Variants in ADAMTS3 observed in about 807,000 individuals in gnomAD.
ADAMTS3 encodes the protein ADAM metallopeptidase with thrombospondin type 1 motif 3, also known as A disintegrin and metalloproteinase with thrombospondin motifs 3.
In ADAMTS3, 73 loss-of-function variants were observed where a neutral mutation model predicts 129.0. The ratio of observed to expected loss-of-function variants is 0.57; its 90% CI spans 0.47 to 0.69. The LOEUF (loss-of-function observed/expected upper bound fraction) is 0.69, where lower values mean the gene tolerates loss of function less well. Among genes scored for constraint, ADAMTS3 ranks in the 30% least tolerant of loss-of-function variants. The pLI, the probability that ADAMTS3 is intolerant of heterozygous loss-of-function variation, is 0.00. For synonymous variants in ADAMTS3, 477 were observed against 510.8 expected (o/e 0.93, Z 0.89); for missense variants, 1,457 against 1,514.5 (o/e 0.96, Z 0.63).
At chr4:72,383,015 TG>T (rs1489297748) in intron 4 of ADAMTS3, among the ~76,000 whole-genome samples, 3 of 152,040 alleles carry the variant, frequency 2.0e-5, no homozygotes, top group Non-Finnish European at 4.4e-5. Context: ...ATGCACCCCC[TG>T]AATTTATAAT....
At chr4:72,286,000 G>A (rs979783119) in intron 21 of ADAMTS3, among the ~76,000 whole-genome samples, 78 of 152,240 alleles carry the variant, frequency 5.1e-4, no homozygotes, top group African/African-American at 1.6e-3. Flanking sequence ...AAATATGGTA[G>A]AAACATGTGA....
chr4:72,531,505 TGA>T (rs1721039865), intron 3 of ADAMTS3, among the ~76,000 whole-genome samples: 2 of 152,090 alleles, frequency 1.3e-5, no homozygotes, highest in South Asian at 4.1e-4. Flanking sequence ...GTCTCTAGGT[TGA>T]GAGTAGACAT....
chr4:72,546,733 T>C (rs1203544763), intron 3 of ADAMTS3, among the ~76,000 whole-genome samples: 1 of 152,176 alleles, frequency 6.6e-6, no homozygotes, highest in Non-Finnish European at 1.5e-5. Context: ...CAAAATATGA[T>C]TGTGAGCTGC....
chr4:72,295,783 A>C lies in ADAMTS3; in HGVS notation c.2594T>G (p.Phe865Cys). Residue 865 changes from phenylalanine to cysteine, a missense_variant, in exon 19 of 22, where the codon TTC becomes TGC. Coordinates refer to ENST00000286657, the MANE Select transcript of ADAMTS3 (RefSeq NM_014243.3). Reference protein sequence around the residue: ...SQCSKPCGGGFQYTKYGCRRK... With the variant: ...SQCSKPCGGGCQYTKYGCRRK... ...ACGGCATCCATATTTAGTGTACTGG[A>C]AACCTGGAAAAGGAAATAAAGTTCT... 1 of 1,610,012 alleles carries C rather than the reference A, an allele frequency of 6.2e-7. No homozygotes were observed.
chr4:72,450,969 A>AAGAAGAGAAGAGAAG (rs67162859), intron 3 of ADAMTS3, among the ~76,000 whole-genome samples: 15,348 of 139,952 alleles, frequency 0.11, 993 homozygotes, highest in Non-Finnish European at 0.13. Flanking sequence ...GGCAGGCAAA[A>AAGAAGAGAAGAGAAG]AGAAGAGAAG....
chr4:72,296,247 G>C (rs1038971906), intron 18 of ADAMTS3, among the ~76,000 whole-genome samples: 3 of 151,990 alleles, frequency 2.0e-5, no homozygotes, highest in African/African-American at 7.2e-5. Flanking sequence ...TGGGGTAATG[G>C]AAATGAAGCA....
chr4:72,389,624 G>A (rs1038320703), intron 4 of ADAMTS3, among the ~76,000 whole-genome samples: 5 of 152,152 alleles, frequency 3.3e-5, no homozygotes, highest in East Asian at 1.9e-4. Flanking sequence ...AAACAGCTGC[G>A]AAGCAACTCA....
At position 72,568,756 on chromosome 4, in the gene ADAMTS3, G is replaced by A. The variant is rs1722087304; in HGVS notation, c.7C>T (p.Leu3Phe). The change falls in exon 1 of 22, where the codon CTC (leucine) becomes TTC (phenylalanine). Residue 3 changes from leucine (L) to phenylalanine (F), a missense_variant. Leu to Phe is a conservative substitution (Grantham distance 22). Transcript: ENST00000286657. Reference protein sequence around the residue: MVLLSLWLIAAAL... With the variant: MVFLSLWLIAAAL... ...GCTGCTATCAACCAAAGTGACAGGA[G>A]AACCATCACGAGTCGAGTTCACTTT... is the stretch of plus-strand genomic sequence containing the variant. 2 of 1,612,886 alleles carry A rather than the reference G, an allele frequency of 1.2e-6. No homozygotes were observed. The highest frequency in any genetic ancestry group is 2.2e-5 in the East Asian group (1 of 44,766).
rs1002673628 is a variant in ADAMTS3 at position 72,426,285 on chromosome 4, G to T, written c.505-11314C>A. ...AAAATTTTCTCCTATGCTGTAAGTTGCCTGTTCACTCTGATGGTAGTTTCT... is the reference window on the plus strand; with the variant it reads ...AAAATTTTCTCCTATGCTGTAAGTTTCCTGTTCACTCTGATGGTAGTTTCT... On this transcript the variant is annotated intron_variant, in intron 3 of 21. Coordinates refer to ENST00000286657, the MANE Select transcript of ADAMTS3 (RefSeq NM_014243.3). Among the ~76,000 whole-genome samples the T allele has an allele frequency of 4.6e-5, 7 of 152,266 alleles. No homozygotes were observed. The East Asian group carries it at 1.4e-3, about 29-fold the overall frequency.
chr4:72,449,778 C>A (rs939601179), intron 3 of ADAMTS3, among the ~76,000 whole-genome samples: 3 of 151,652 alleles, frequency 2.0e-5, no homozygotes, highest in African/African-American at 7.3e-5. Flanking sequence ...TTTTAATGCC[C>A]ACTCCATTGC....
chr4:72,552,515 C>T (rs1332376804), intron 2 of ADAMTS3, among the ~76,000 whole-genome samples: 2 of 152,128 alleles, frequency 1.3e-5, no homozygotes, highest in South Asian at 2.1e-4. Flanking sequence ...GGCACAATTT[C>T]GAATGTGCTT....
intron 3 of ADAMTS3, among the ~76,000 whole-genome samples, chr4:72,418,125 A>G (rs1285017308): frequency 2.0e-5 from 3 of 151,866 alleles, no homozygotes; most frequent in African/African-American, 7.3e-5. Context: ...TTGATAGTAA[A>G]ATCAAGTAAA....
At chr4:72,394,332 G>A (rs1391125977) in intron 4 of ADAMTS3, among the ~76,000 whole-genome samples, 1 of 152,104 alleles carries the variant, frequency 6.6e-6, no homozygotes, top group East Asian at 1.9e-4. Flanking sequence ...TGTTAAGGGA[G>A]TTAATCTTCT....
At chr4:72,530,353 A>C (rs1223942727) in intron 3 of ADAMTS3, among the ~76,000 whole-genome samples, 4 of 85,516 alleles carry the variant, frequency 4.7e-5, no homozygotes, top group Non-Finnish European at 8.0e-5. Context: ...ATATATATTA[A>C]ATTAATATAT....
intron 10 of ADAMTS3, 29 bp from the exon 11 acceptor site, chr4:72,316,000 G>A (rs1203603432): frequency 7.7e-6 from 11 of 1,426,372 alleles, no homozygotes; most frequent in Non-Finnish European, 1.1e-5. Flanking sequence ...AATTGTCAGT[G>A]AACTCTCAGC....
At chr4:72,326,629 G>C (rs1299502558) in intron 5 of ADAMTS3, among the ~76,000 whole-genome samples, 2 of 151,980 alleles carry the variant, frequency 1.3e-5, no homozygotes, top group African/African-American at 4.8e-5. Context: ...AAACAAGCAA[G>C]ATCATACAAC....
At chr4:72,537,437 A>G (rs1327162556) in intron 3 of ADAMTS3, among the ~76,000 whole-genome samples, 2 of 152,080 alleles carry the variant, frequency 1.3e-5, no homozygotes, top group South Asian at 4.1e-4. Flanking sequence ...CCTTTTGTGA[A>G]CCAGAGATTG....
chr4:72,393,508 A>G (rs1204377941), intron 4 of ADAMTS3, among the ~76,000 whole-genome samples: 1 of 152,040 alleles, frequency 6.6e-6, no homozygotes, highest in Non-Finnish European at 1.5e-5. Flanking sequence ...TTAGCATCCC[A>G]CCTCCCAATT....
At chr4:72,337,258 G>C (rs1350138215) in intron 5 of ADAMTS3, among the ~76,000 whole-genome samples, 2 of 151,986 alleles carry the variant, frequency 1.3e-5, no homozygotes, top group African/African-American at 2.4e-5. Flanking sequence ...ATTTGAGACA[G>C]AGTCATAGTC....
Sources: allele counts gnomAD v4.1 joint callset (sites outside exome capture counted in the v4.1 genomes callset), GRCh38; gene constraint gnomAD v4.1.1; transcripts MANE v1.5; gene names NCBI Gene and HGNC (gene_info 2026-07-23, HGNC 2026-07-21).